Variants in DNAH10 observed in about 807,000 individuals in gnomAD.
DNAH10 encodes axonemal beta dynein heavy chain 10.
In DNAH10, 348 loss-of-function variants were observed where a neutral mutation model predicts 506.6. That is an observed-to-expected ratio of 0.69 (90% CI 0.63 to 0.75). The LOEUF (loss-of-function observed/expected upper bound fraction) is 0.75, where lower values mean the gene tolerates loss of function less well. Among genes scored for constraint, DNAH10 ranks in the 30% least tolerant of loss-of-function variants. DNAH10 has a pLI of 0.00. For missense variants in DNAH10, 5,179 were observed against 5,787.1 expected (o/e 0.89, Z 3.41); for synonymous variants, 2,059 against 2,198.6 (o/e 0.94, Z 1.78).
At chr12:123,914,682 G>A (rs1410581257) in intron 61 of DNAH10, 132 bp downstream of exon 61, 28 of 1,389,692 alleles carry the variant, frequency 2.0e-5, no homozygotes, top group East Asian at 5.0e-5. Flanking sequence ...CTGCATGGAA[G>A]TGGCCGGGCA....
Position 123,927,158 on chromosome 12 carries a change from C to G in DNAH10, c.12105+338C>G, listed in dbSNP as rs78959071. The G allele has an allele frequency of 3.5e-3, 942 of 270,788 alleles. 4 individuals carry two copies. Among genetic ancestry groups the G allele is most frequent in the Non-Finnish European group, 5.1e-3 (749 of 145,608 alleles). 16.8% of individuals were successfully genotyped at this position (270,788 alleles called of 1,614,324 possible). A position where few individuals can be genotyped will look rare whatever the true frequency, so the allele number is the denominator to read the frequency against. ...CCTGATTGTGAAGTGATCGTCCTGC[C>G]TCAGCCTCCCCAGTAGCAGCTGAGA... On this transcript the variant is annotated intron_variant, in intron 69 of 78. Coordinates refer to ENST00000673944, the MANE Select transcript of DNAH10 (RefSeq NM_001372106.1).
chr12:123,881,712 C>A lies in DNAH10; in HGVS notation c.8722C>A (p.Arg2908Ser), dbSNP rs1158104906. 3.5e-5 allele frequency: 54 copies of A among 1,549,716 alleles called. No individual in the cohort carries two copies. The highest frequency in any genetic ancestry group is 3.9e-5 in the Non-Finnish European group (45 of 1,146,438). ...DALEHLTRVHRIIRMDRGHAL... is the reference protein window; with the variant it reads ...DALEHLTRVHSIIRMDRGHAL... Reference sequence around the variant, plus strand: ...TCTGGAGCATTTAACCCGGGTGCACCGTATCATCCGCATGGACCGCGGCCA... The same window carrying A: ...TCTGGAGCATTTAACCCGGGTGCACAGTATCATCCGCATGGACCGCGGCCA... The change falls in exon 51 of 79, where the codon CGT becomes AGT. Residue 2908 changes from arginine (R) to serine (S), a missense_variant. Around this residue, in one of 3 missense-constraint regions of DNAH10, gnomAD observed 4,844 missense variants for 5,430.5 expected, o/e 0.89. Transcript: ENST00000673944.
In DNAH10 at chr12:123,867,460, T is replaced by C. The variant is rs1343096993; in HGVS notation, c.7168-7T>C. 1 of 1,608,414 alleles carries C rather than the reference T, an allele frequency of 6.2e-7. No individual in the cohort carries two copies. The highest frequency in any genetic ancestry group is 8.5e-7 in the Non-Finnish European group (1 of 1,177,990). On this transcript the variant is annotated splice_polypyrimidine_tract_variant and splice_region_variant and intron_variant, in intron 41 of 78. Coordinates refer to ENST00000673944, the MANE Select transcript of DNAH10 (RefSeq NM_001372106.1). ...TTGAAATGCTTTGGAATGCTACTTT[T>C]TTATAGGTGGAGCAATACAATTTGA...
intron 25 of DNAH10, among the ~76,000 whole-genome samples, chr12:123,828,597 A>G (rs7965533): frequency 1.3e-5 from 2 of 152,122 alleles, no homozygotes; most frequent in African/African-American, 4.8e-5. Flanking sequence ...AGGGAAAGGA[A>G]TGTTCTTATT....
intron 37 of DNAH10, among the ~76,000 whole-genome samples, chr12:123,858,274 T>A (rs1276720040): frequency 6.6e-6 from 1 of 152,184 alleles, no homozygotes; most frequent in South Asian, 2.1e-4. Context: ...ACGTATTGAT[T>A]GGCAGAGTCC....
intron 54 of DNAH10, among the ~76,000 whole-genome samples, chr12:123,896,757 CT>C (rs1953269377): frequency 6.6e-6 from 1 of 151,078 alleles, no homozygotes; most frequent in African/African-American, 2.4e-5. Flanking sequence ...GCACGGATCA[CT>C]GCTGTGGCCC....
chr12:123,827,004 T>C, intron 25 of DNAH10, 106 bp downstream of exon 25: 1 of 1,016,350 alleles, frequency 9.8e-7, no homozygotes, highest in Non-Finnish European at 1.4e-6. Flanking sequence ...AGCACACAAT[T>C]TCAACAATGC....
At position 123,819,155 on chromosome 12, in the gene DNAH10, G is replaced by T. The variant is rs371005101; in HGVS notation, c.3905G>T (p.Arg1302Leu). The T allele has an allele frequency of 3.7e-6, 6 of 1,613,096 alleles. No homozygotes were observed. Among genetic ancestry groups the T allele is most frequent in the Non-Finnish European group, 5.1e-6 (6 of 1,179,546 alleles). The change falls in exon 23 of 79, where the codon CGA becomes CTA. Residue 1302 changes from arginine (R) to leucine (L), a missense_variant. Physicochemically the swap from Arg to Leu is moderately radical, Grantham distance 102. Transcript: ENST00000673944. ...TAACCTCGTTTTTCTCAGCTTACTCGAGGCGAAATAATGAACTACAGAGTT... is the reference window on the plus strand; with the variant it reads ...TAACCTCGTTTTTCTCAGCTTACTCTAGGCGAAATAATGAACTACAGAGTT... ...DIKRTFTELTRGEIMNYRVQI... is the reference protein window; with the variant it reads ...DIKRTFTELTLGEIMNYRVQI...
intron 37 of DNAH10, among the ~76,000 whole-genome samples, chr12:123,858,585 A>T (rs866469909): frequency 6.6e-6 from 1 of 152,202 alleles, no homozygotes; most frequent in Non-Finnish European, 1.5e-5. Flanking sequence ...ACTGCTGGGG[A>T]TCTACCCAAG....
rs577098062 is a variant in DNAH10 at position 123,762,653 on chromosome 12, C to G, written c.214+103C>G. On this transcript the variant is annotated intron_variant, in intron 1 of 78. Coordinates refer to ENST00000673944, the MANE Select transcript of DNAH10 (RefSeq NM_001372106.1). The surrounding 1 kb of genome is among the most constrained non-coding windows in gnomAD (Gnocchi z 5.0). ...CTAGAGCCTGCCCATCGTCCGGCCC[C>G]GGCCTCAGGTGCTGTCCACAAACGC... 2.6e-4 allele frequency: 331 copies of G among 1,270,808 alleles called. 3 individuals carry two copies. The Admixed American group carries it at 8.0e-3, about 31-fold the overall frequency. 78.7% of individuals were successfully genotyped at this position (1,270,808 alleles called of 1,614,324 possible).
chr12:123,785,703 C>T lies in DNAH10; in HGVS notation c.1231-43C>T. 1.4e-6 allele frequency: 2 copies of T among 1,470,264 alleles called. No homozygotes were observed. Among genetic ancestry groups the T allele is most frequent in the Non-Finnish European group, 1.8e-6 (2 of 1,096,824 alleles). The allele number at this position is 1,470,264 out of a possible 1,614,324, so 91.1% of individuals were successfully genotyped here. The stretch of plus-strand genomic sequence containing the variant: ...CTGTTTTATGAAACTATTTGGACCC[C>T]AAGGCTAAGGGCTCTTGCGTGGCTC... On this transcript the variant is annotated intron_variant, in intron 8 of 78. Transcript: ENST00000673944. The surrounding 1 kb of genome is among the most constrained non-coding windows in gnomAD (Gnocchi z 4.1).
intron 36 of DNAH10, among the ~76,000 whole-genome samples, chr12:123,856,575 A>G (rs1277471222): frequency 1.3e-5 from 2 of 150,596 alleles, no homozygotes; most frequent in Admixed American, 1.3e-4. Context: ...CAGGTTATCC[A>G]CCCACCTCAG....
At chr12:123,855,397 G>T (rs1222394408) in intron 36 of DNAH10, among the ~76,000 whole-genome samples, 1 of 152,068 alleles carries the variant, frequency 6.6e-6, no homozygotes, top group Non-Finnish European at 1.5e-5. Context: ...GAGGTGGGAG[G>T]ATTGCTTGAG....
At chr12:123,873,989 G>A (rs1211550051) in intron 46 of DNAH10, among the ~76,000 whole-genome samples, 3 of 152,138 alleles carry the variant, frequency 2.0e-5, no homozygotes, top group Non-Finnish European at 2.9e-5. Flanking sequence ...ATGTATTTGA[G>A]GAAGTGGTTT....
chr12:123,890,556 G>T (rs116580147), intron 52 of DNAH10, among the ~76,000 whole-genome samples: 3 of 151,984 alleles, frequency 2.0e-5, no homozygotes, highest in African/African-American at 7.3e-5. Flanking sequence ...AAGGTGTTGA[G>T]ATTACAGGCG....
At chr12:123,804,061 G>C (rs1170090324) in intron 17 of DNAH10, among the ~76,000 whole-genome samples, 1 of 152,002 alleles carries the variant, frequency 6.6e-6, no homozygotes, top group Non-Finnish European at 1.5e-5. Context: ...ATTTGTTTTT[G>C]TTTTGTTTTT....
chr12:123,855,461 A>G (rs948657694), intron 36 of DNAH10, among the ~76,000 whole-genome samples: 1 of 151,786 alleles, frequency 6.6e-6, no homozygotes, highest in Admixed American at 6.6e-5. Flanking sequence ...TTTCTTTCCA[A>G]ACAAATACCC....
At chr12:123,899,819 T>A (rs1953435210) in intron 56 of DNAH10, among the ~76,000 whole-genome samples, 1 of 152,240 alleles carries the variant, frequency 6.6e-6, no homozygotes, top group Non-Finnish European at 1.5e-5. Context: ...GTCTGTGAGC[T>A]ACCATATCTT....
chr12:123,796,616 G>A lies in DNAH10; in HGVS notation c.1987-40G>A, dbSNP rs372814809. 185 of 1,529,638 alleles carry A rather than the reference G, an allele frequency of 1.2e-4. 1 individual carries two copies. The Middle Eastern group carries it at 1.6e-3, about 13-fold the overall frequency. The allele number at this position is 1,529,638 out of a possible 1,614,324, so 94.8% of individuals were successfully genotyped here. A position where few individuals can be genotyped will look rare whatever the true frequency, so the allele number is the denominator to read the frequency against. On this transcript the variant is annotated intron_variant, in intron 12 of 78. Coordinates refer to ENST00000673944, the MANE Select transcript of DNAH10 (RefSeq NM_001372106.1). ...TCTCATCTTTCTTGGCTAACCTGGC[G>A]ATGTTTATCACTTACAGAAGCTGTT... is the stretch of plus-strand genomic sequence containing the variant.
Sources: gnomAD v4.1 joint callset for allele counts (sites outside exome capture counted in the v4.1 genomes callset) on GRCh38, gnomAD v4.1.1 for gene constraint, gnomAD v4.1.1 regional missense constraint, Gnocchi (gnomAD v3.1) non-coding constraint, MANE v1.5 for transcripts, NCBI Gene and HGNC (gene_info 2026-07-23, HGNC 2026-07-21) for gene names.